The following PARD6G variants were observed in gnomAD, a reference collection of about 807,000 sequenced individuals.
PARD6G encodes the protein partitioning defective 6 homolog gamma.
In PARD6G, 7 loss-of-function variants were observed where a neutral mutation model predicts 10.7. The observed-to-expected ratio is 0.66, with a 90% CI of 0.37 to 1.23. The LOEUF is 1.23. Among genes scored for constraint, PARD6G ranks in the 50% most tolerant of loss-of-function variants. PARD6G has a pLI of 0.02. For synonymous variants in PARD6G, 287 were observed against 269.4 expected, an observed-to-expected ratio of 1.07 and a Z score of -0.64; for missense variants, 548 against 571.8, an observed-to-expected ratio of 0.96 and a Z score of 0.42.
chr18:80,204,226 T>A (rs1052951223), intron 1 of PARD6G, among the ~76,000 whole-genome samples: 1 of 152,198 alleles, frequency 6.6e-6, no homozygotes, highest in Non-Finnish European at 1.5e-5. Context: ...AATAAAGTAA[T>A]GTTTATGGAA....
chr18:80,243,959 G>A (rs1328106522), intron 1 of PARD6G, among the ~76,000 whole-genome samples: 1 of 152,142 alleles, frequency 6.6e-6, no homozygotes, highest in Non-Finnish European at 1.5e-5. Flanking sequence ...TGTTTCTCTG[G>A]ATTTTTCAAG....
Position 80,180,609 on chromosome 18 carries a change from A to T in PARD6G, c.296-20003T>A, listed in dbSNP as rs1001056090. Among the ~76,000 whole-genome samples the T allele has an allele frequency of 2.6e-5, 4 of 152,056 alleles. No individual in the cohort carries two copies. Among genetic ancestry groups the T allele is most frequent in the Non-Finnish European group, 5.9e-5 (4 of 67,996 alleles). ...TCTCAAGCTTAACTGTCTCTATGGC[A>T]CCGCAAATGGCAGGGCTGCTCCCCA... On this transcript the variant is annotated intron_variant, in intron 2 of 2. Transcript: ENST00000353265. The surrounding 1 kb of genome is among the most constrained non-coding windows in gnomAD (Gnocchi z 5.6).
intron 1 of PARD6G, among the ~76,000 whole-genome samples, chr18:80,235,356 G>A (rs908823008): frequency 2.0e-5 from 3 of 152,004 alleles, no homozygotes; most frequent in African/African-American, 7.2e-5. Context: ...CACATTCAAA[G>A]CAGTGTGTAG....
At chr18:80,239,193 C>G (rs775343872) in intron 1 of PARD6G, among the ~76,000 whole-genome samples, 3 of 151,954 alleles carry the variant, frequency 2.0e-5, no homozygotes, top group Non-Finnish European at 2.9e-5. Flanking sequence ...CCTTAGACCC[C>G]AGGAACATGG....
intron 2 of PARD6G, chr18:80,176,079 G>C (rs2052806530): frequency 1.2e-5 from 2 of 164,506 alleles, no homozygotes; most frequent in Admixed American, 1.3e-4. Flanking sequence ...GGAGGAGAGA[G>C]CTCCTAGAGC....
At chr18:80,177,218 G>GCACACACA (rs35217634) in intron 2 of PARD6G, among the ~76,000 whole-genome samples, 11,368 of 98,662 alleles carry the variant, frequency 0.12, 1,126 homozygotes, top group East Asian at 0.3. Context: ...AATGGGAAGC[G>GCACACACA]CACACACACA....
chr18:80,194,504 T>C (rs1349623466), intron 2 of PARD6G, among the ~76,000 whole-genome samples: 2 of 152,182 alleles, frequency 1.3e-5, no homozygotes. Flanking sequence ...TGGTTAGCAG[T>C]AGAACATTAC....
intron 1 of PARD6G, among the ~76,000 whole-genome samples, chr18:80,209,044 G>A (rs1967081929): frequency 6.6e-6 from 1 of 151,878 alleles, no homozygotes; most frequent in East Asian, 1.9e-4. Context: ...AGGGTGCAGT[G>A]AGCCAAGATT....
At chr18:80,218,070 A>G (rs1195664118) in intron 1 of PARD6G, among the ~76,000 whole-genome samples, 3 of 152,182 alleles carry the variant, frequency 2.0e-5, no homozygotes, top group Non-Finnish European at 4.4e-5. Context: ...TATAGGAACT[A>G]CAATTCAAGA....
chr18:80,211,398 A>G (rs1705049045), intron 1 of PARD6G, among the ~76,000 whole-genome samples: 1 of 152,218 alleles, frequency 6.6e-6, no homozygotes, highest in African/African-American at 2.4e-5. Flanking sequence ...CTACTATCGA[A>G]AAAGCAAAAT....
chr18:80,244,266 G>T (rs550630166), intron 1 of PARD6G, among the ~76,000 whole-genome samples: 1 of 152,284 alleles, frequency 6.6e-6, no homozygotes, highest in Non-Finnish European at 1.5e-5. Flanking sequence ...GAAAAGGGTG[G>T]TCCCATGAAC....
intron 1 of PARD6G, among the ~76,000 whole-genome samples, chr18:80,212,441 C>T (rs1967118326): frequency 6.6e-6 from 1 of 152,266 alleles, no homozygotes; most frequent in Admixed American, 6.5e-5. Flanking sequence ...TATGAAAGTG[C>T]CGGCCATATT....
rs553830213 is a variant in PARD6G, at chr18:80,201,591, T to A, written c.295+1119A>T. ...CTGCAGATGCAGAGTGTTCTGATCT[T>A]GTGCCAGAGAATCTGTCTGAAGTGA... On this transcript the variant is annotated intron_variant, in intron 2 of 2. Transcript: ENST00000353265. The surrounding 1 kb of genome is among the most constrained non-coding windows in gnomAD (Gnocchi z 5.9). 6.6e-6 allele frequency among the ~76,000 whole-genome samples: 1 copy of A among 152,338 alleles called. No individual in the cohort carries two copies. Among genetic ancestry groups the A allele is most frequent in the East Asian group, 1.9e-4 (1 of 5,188 alleles).
intron 1 of PARD6G, among the ~76,000 whole-genome samples, chr18:80,218,108 C>T (rs938106219): frequency 2.0e-5 from 3 of 152,106 alleles, no homozygotes; most frequent in African/African-American, 7.2e-5. Context: ...CACAGCCACA[C>T]CATATCATTC....
chr18:80,234,698 G>A (rs1309241405), intron 1 of PARD6G, among the ~76,000 whole-genome samples: 1 of 152,090 alleles, frequency 6.6e-6, no homozygotes. Context: ...GATCACTCAA[G>A]CCCAGGTGAG....
rs2052824927 is a variant in PARD6G, at chr18:80,177,940, G to A, written c.296-17334C>T. 3 of 147,130 alleles carry A rather than the reference G, an allele frequency of 2.0e-5. No homozygotes were observed. In the Admixed American group the frequency reaches 2.1e-4, roughly 10 times the overall value. The allele number at this position is 147,130 out of a possible 1,614,324, so 9.1% of individuals were successfully genotyped here. A position where few individuals can be genotyped will look rare whatever the true frequency, so the allele number is the denominator to read the frequency against. ...GAAGCTCACACACACACATGCACAA[G>A]ATAATCACAGTCCAAATGGGAAGCG... On this transcript the variant is annotated intron_variant, in intron 2 of 2. Transcript: ENST00000353265.
rs75912164 is a variant in PARD6G, at chr18:80,172,167, G to A, written c.296-11561C>T. On this transcript the variant is annotated intron_variant, in intron 2 of 2. Transcript: ENST00000353265. ...TCCCCCCAGCAGTTCTGAGGGTTAC[G>A]ATTTCTCCACATTCTTGACAATACT... Among the ~76,000 whole-genome samples the A allele has an allele frequency of 7.6e-4, 115 of 152,248 alleles. 2 individuals carry two copies. The East Asian group carries it at 0.02, about 27-fold the overall frequency.
At chr18:80,202,977 C>G (rs1401813554) in intron 1 of PARD6G, 45 bp from the exon 2 acceptor site, 1 of 929,790 alleles carries the variant, frequency 1.1e-6, no homozygotes, top group Non-Finnish European at 1.7e-6. Flanking sequence ...TTAATAAATA[C>G]CAGAGAAATA....
rs1253388254 is a variant in PARD6G, at chr18:80,158,177, A to T, written c.*1594T>A. ...AGTGAGGATGAATTTAGTATTTGTT[A>T]AAAATCACTAAGTTCCACGTGACTT... is the stretch of plus-strand genomic sequence containing the variant. On this transcript the variant is annotated 3_prime_UTR_variant, in exon 3 of 3. Transcript: ENST00000353265. 1 of 151,858 alleles carries T rather than the reference A, an allele frequency of 6.6e-6. No individual in the cohort carries two copies. Among genetic ancestry groups the T allele is most frequent in the Non-Finnish European group, 1.5e-5 (1 of 68,028 alleles). 9.4% of individuals were successfully genotyped at this position (151,858 alleles called of 1,614,324 possible).
Sources: allele counts gnomAD v4.1 joint callset (sites outside exome capture counted in the v4.1 genomes callset), GRCh38; gene constraint gnomAD v4.1.1; non-coding constraint Gnocchi (gnomAD v3.1); transcripts MANE v1.5; gene names NCBI Gene and HGNC (gene_info 2026-07-23, HGNC 2026-07-21).